The following FILIP1 variants were observed in gnomAD, a reference collection of about 807,000 sequenced individuals.
FILIP1 encodes filamin A interacting protein 1, also known as filamin-A-interacting protein 1.
FILIP1 carries 61 observed loss-of-function variants against 102.1 expected under a neutral mutation model. The observed-to-expected ratio is 0.60, with a 90% CI of 0.49 to 0.74. FILIP1 has a LOEUF of 0.74. Ranked by LOEUF, FILIP1 falls within the 30% of genes least tolerant of loss-of-function variation. The pLI is 0.00. For synonymous variants in FILIP1, 491 were observed against 526.9 expected, an observed-to-expected ratio of 0.93 and a Z score of 0.93; for missense variants, 1,314 against 1,441.2, an observed-to-expected ratio of 0.91 and a Z score of 1.43.
chr6:75,319,853 G>T, intron 4 of FILIP1: 3 of 422,006 alleles, frequency 7.1e-6, no homozygotes, highest in Non-Finnish European at 8.5e-6. Context: ...GAAAAGAAAA[G>T]AAAACTCTGA....
At chr6:75,330,302 A>C (rs1036459566) in intron 4 of FILIP1, among the ~76,000 whole-genome samples, 1 of 152,180 alleles carries the variant, frequency 6.6e-6, no homozygotes, top group Admixed American at 6.5e-5. Flanking sequence ...TAAAGAGATA[A>C]ATGGTGAATC....
At chr6:75,411,049 C>A (rs1777051494) in intron 2 of FILIP1, among the ~76,000 whole-genome samples, 1 of 152,134 alleles carries the variant, frequency 6.6e-6, no homozygotes, top group Admixed American at 6.6e-5. Flanking sequence ...AGTGTAAGAG[C>A]TTTCCTATTT....
Position 75,312,516 on chromosome 6 carries a change from C to A in FILIP1, c.3316G>T (p.Gly1106Cys). The change falls in exon 5 of 6, where the codon GGC (glycine) becomes TGC (cysteine). Residue 1106 changes from glycine to cysteine, a missense_variant. By Grantham distance (159) the Gly-to-Cys change is radical. This residue lies in a region of FILIP1 where 816 missense variants were observed against 913.1 expected (regional missense o/e 0.89). Coordinates refer to ENST00000237172, the MANE Select transcript of FILIP1 (RefSeq NM_015687.5). Reference protein sequence around the residue: ...NVTAEKEVSTGTVLRSPRNHL... With the variant: ...NVTAEKEVSTCTVLRSPRNHL... Reference sequence around the variant, plus strand: ...TTCCTGGGAGAGCGAAGGACAGTGCCGGTGGAAACCTCCTTTTCGGCTGTC... The same window carrying A: ...TTCCTGGGAGAGCGAAGGACAGTGCAGGTGGAAACCTCCTTTTCGGCTGTC... 2 of 1,614,116 alleles carry A rather than the reference C, an allele frequency of 1.2e-6. No homozygotes were observed. Among genetic ancestry groups the A allele is most frequent in the African/African-American group, 1.3e-5 (1 of 75,004 alleles).
Position 75,353,576 on chromosome 6 carries a change from C to T in FILIP1, c.592G>A (p.Asp198Asn), listed in dbSNP as rs149762228. Residue 198 changes from aspartate to asparagine, a missense_variant, in exon 4 of 6, where the codon GAC becomes AAC. Physicochemically the swap from Asp to Asn is conservative, Grantham distance 23. Coordinates refer to ENST00000237172, the MANE Select transcript of FILIP1 (RefSeq NM_015687.5). Reference protein sequence around the residue: ...HKHTDYMNKSDDFTNLLEQER... With the variant: ...HKHTDYMNKSNDFTNLLEQER... ...TGCTCCAGCAGGTTGGTGAAGTCGT[C>T]GCTCTTGTTCATGTAGTCAGTGTGT... 4.3e-6 allele frequency: 7 copies of T among 1,614,058 alleles called. No homozygotes were observed. The highest frequency in any genetic ancestry group is 1.6e-4 in the Middle Eastern group (1 of 6,084).
At chr6:75,475,322 C>CA (rs1261271794) in intron 1 of FILIP1, among the ~76,000 whole-genome samples, 1 of 152,118 alleles carries the variant, frequency 6.6e-6, no homozygotes, top group Non-Finnish European at 1.5e-5. Flanking sequence ...TAGCCTTCCA[C>CA]AAGGAAATAT....
At chr6:75,298,397 A>G (rs559789082) in intron 6 of FILIP1, among the ~76,000 whole-genome samples, 1 of 152,374 alleles carries the variant, frequency 6.6e-6, no homozygotes, top group East Asian at 1.9e-4. Flanking sequence ...ATTTAAAAGA[A>G]TACAATTAAG....
In FILIP1 at chr6:75,314,318, G is replaced by A. The variant is rs759219450; in HGVS notation, c.1514C>T (p.Thr505Ile). The change falls in exon 5 of 6, where the codon ACC (threonine) becomes ATC (isoleucine). Residue 505 changes from threonine (T) to isoleucine (I), a missense_variant. Thr to Ile is a moderately conservative substitution (Grantham distance 89, BLOSUM62 -1). Transcript: ENST00000237172. Reference protein sequence around the residue: ...KDDLTKLKSFTVMLVDERKNM... With the variant: ...KDDLTKLKSFIVMLVDERKNM... ...TTTCCTTTCATCAACCAGCATCACGGTAAATGACTTCAACTTGGTAAGATC... is the reference window on the plus strand; with the variant it reads ...TTTCCTTTCATCAACCAGCATCACGATAAATGACTTCAACTTGGTAAGATC... The A allele has an allele frequency of 1.3e-6, 2 of 1,523,164 alleles. No homozygotes were observed. The highest frequency in any genetic ancestry group is 1.3e-5 in the South Asian group (1 of 74,154). 94.4% of individuals were successfully genotyped at this position (1,523,164 alleles called of 1,614,324 possible). A position where few individuals can be genotyped will look rare whatever the true frequency, so the allele number is the denominator to read the frequency against.
rs1360038597 is a variant in FILIP1 at position 75,365,222 on chromosome 6, TA to T, written c.277-2306del. On this transcript the variant is annotated intron_variant, in intron 2 of 5. Transcript: ENST00000237172. The stretch of plus-strand genomic sequence containing the variant: ...AATAAATAAATAAATAATTTTAATA[TA>T]AAAAAATTAAAAAGAATGTACTGTT... 7.9e-5 allele frequency among the ~76,000 whole-genome samples: 12 copies of T among 151,934 alleles called. 1 individual carries two copies. The South Asian group carries it at 1.7e-3, about 21-fold the overall frequency.
At chr6:75,299,348 C>G (rs1260499770) in intron 6 of FILIP1, among the ~76,000 whole-genome samples, 1 of 152,052 alleles carries the variant, frequency 6.6e-6, no homozygotes, top group Non-Finnish European at 1.5e-5. Context: ...TTACAGATAC[C>G]ACTCTTCTGA....
At chr6:75,311,482 T>G (rs182802391) in intron 5 of FILIP1, among the ~76,000 whole-genome samples, 3 of 151,672 alleles carry the variant, frequency 2.0e-5, no homozygotes, top group African/African-American at 7.3e-5. Context: ...CCAGCTAGTT[T>G]GTTTGTTTGT....
chr6:75,437,446 C>T (rs1211031611), intron 1 of FILIP1, among the ~76,000 whole-genome samples: 2 of 152,178 alleles, frequency 1.3e-5, no homozygotes, highest in African/African-American at 2.4e-5. Context: ...TTGGCTTTCT[C>T]ATCTTCCTCA....
chr6:75,457,248 G>A (rs976659884), intron 1 of FILIP1, among the ~76,000 whole-genome samples: 1 of 152,206 alleles, frequency 6.6e-6, no homozygotes, highest in Non-Finnish European at 1.5e-5. Context: ...AATTGAAAAA[G>A]CAGTGTGTTG....
At chr6:75,454,050 T>C (rs1778735417) in intron 1 of FILIP1, 2 of 456,336 alleles carry the variant, frequency 4.4e-6, no homozygotes, top group East Asian at 1.4e-4. Context: ...GAAGTCCAGA[T>C]ACAGCGTGGC....
intron 1 of FILIP1, among the ~76,000 whole-genome samples, chr6:75,443,778 T>A (rs1341677759): frequency 6.6e-6 from 1 of 152,208 alleles, no homozygotes; most frequent in Non-Finnish European, 1.5e-5. Flanking sequence ...CCTGGTGTTA[T>A]GTTATCTGCC....
chr6:75,406,620 T>C (rs1193881992), intron 2 of FILIP1, among the ~76,000 whole-genome samples: 3 of 151,894 alleles, frequency 2.0e-5, no homozygotes, highest in Non-Finnish European at 4.4e-5. Flanking sequence ...ATTATGATTA[T>C]GTGTCTTTGC....
downstream of FILIP1, among the ~76,000 whole-genome samples, chr6:75,305,184 C>A (rs529180425): frequency 3.5e-4 from 53 of 152,232 alleles, 2 homozygotes; most frequent in South Asian, 0.011. Flanking sequence ...CCTGGGAAAT[C>A]CTCTCTATGC....
intron 1 of FILIP1, among the ~76,000 whole-genome samples, chr6:75,442,163 G>A (rs1403335857): frequency 3.3e-5 from 5 of 151,754 alleles, no homozygotes; most frequent in Non-Finnish European, 5.9e-5. Flanking sequence ...ATGGGTGGCC[G>A]GGCAGAGACG....
chr6:75,298,214 A>G (rs1310920279), intron 6 of FILIP1, among the ~76,000 whole-genome samples: 1 of 152,234 alleles, frequency 6.6e-6, no homozygotes, highest in Non-Finnish European at 1.5e-5. Context: ...TAATTACTGT[A>G]TTTAAATTAG....
chr6:75,316,626 A>G (rs1467317807), intron 4 of FILIP1, among the ~76,000 whole-genome samples: 1 of 152,170 alleles, frequency 6.6e-6, no homozygotes, highest in African/African-American at 2.4e-5. Flanking sequence ...GGCTCTGATC[A>G]TGTCGTTAAG....
Sources: gnomAD v4.1 joint callset for allele counts (sites outside exome capture counted in the v4.1 genomes callset) on GRCh38, gnomAD v4.1.1 for gene constraint, gnomAD v4.1.1 regional missense constraint, MANE v1.5 for transcripts, NCBI Gene and HGNC (gene_info 2026-07-23, HGNC 2026-07-21) for gene names.